KCNQ5: variants seen among roughly 807,000 people sequenced by gnomAD.
The protein encoded by KCNQ5 is potassium voltage-gated channel subfamily KQT member 5.
KCNQ5 carries 30 observed loss-of-function variants against 98.2 expected under a neutral mutation model. The observed-to-expected ratio is 0.31, with a 90% CI of 0.23 to 0.41. The LOEUF (loss-of-function observed/expected upper bound fraction) is 0.41. Among genes scored for constraint, KCNQ5 ranks in the 10% least tolerant of loss-of-function variants. KCNQ5 has a pLI of 1.00. For missense variants in KCNQ5, 835 were observed against 1,182.5 expected (o/e 0.71, Z 4.31); for synonymous variants, 458 against 449.4 (o/e 1.02, Z -0.24).
chr6:72,934,208 A>C (rs990742217), intron 1 of KCNQ5, among the ~76,000 whole-genome samples: 13 of 152,268 alleles, frequency 8.5e-5, no homozygotes, highest in African/African-American at 2.7e-4. Context: ...CTGAACATAC[A>C]TCTAGGGACA....
Position 72,784,322 on chromosome 6 carries a change from GAGAGA to G in KCNQ5, c.398+161751_398+161755del, listed in dbSNP as rs751360715. Among the ~76,000 whole-genome samples the G allele has an allele frequency of 1.8e-4, 27 of 152,248 alleles. 1 individual carries two copies. Among genetic ancestry groups the G allele is most frequent in the African/African-American group, 5.3e-4 (22 of 41,536 alleles). ...AAACTTGATGAGTCAAGACCTGATA[GAGAGA>G]AGAGAAGAGAAGAGAGAGAGCAGAG... On this transcript the variant is annotated intron_variant, in intron 1 of 13. Coordinates refer to ENST00000370398, the MANE Select transcript of KCNQ5 (RefSeq NM_019842.4).
chr6:73,186,861 A>G (rs1288037678), intron 11 of KCNQ5, among the ~76,000 whole-genome samples: 1 of 152,034 alleles, frequency 6.6e-6, no homozygotes, highest in Non-Finnish European at 1.5e-5. Flanking sequence ...TTACATAGGT[A>G]TACATGTGCC....
intron 2 of KCNQ5, among the ~76,000 whole-genome samples, chr6:73,035,173 C>T (rs1189412684): frequency 6.6e-6 from 1 of 152,122 alleles, no homozygotes; most frequent in East Asian, 1.9e-4. Context: ...TCTTAATTTC[C>T]TTATCATTTA....
intron 1 of KCNQ5, among the ~76,000 whole-genome samples, chr6:72,873,088 T>G (rs1239083360): frequency 1.3e-5 from 2 of 152,112 alleles, no homozygotes; most frequent in Non-Finnish European, 2.9e-5. Flanking sequence ...ATCTAAGCCT[T>G]CCTAGGATTA....
At position 73,129,985 on chromosome 6, in the gene KCNQ5, T is replaced by C. The variant is rs1291669789; in HGVS notation, c.1248-3436T>C. ...TTCTAGGGACTTCTTGAATGAGGTT[T>C]TCAACCCGCTTGAAATTTTCCTTGT... On this transcript the variant is annotated intron_variant, in intron 9 of 13. Coordinates refer to ENST00000370398, the MANE Select transcript of KCNQ5 (RefSeq NM_019842.4). 1.1e-5 allele frequency: 7 copies of C among 661,456 alleles called. No individual in the cohort carries two copies. The Admixed American group carries it at 2.0e-4, about 19-fold the overall frequency. The allele number at this position is 661,456 out of a possible 1,614,324, so 41.0% of individuals were successfully genotyped here.
intron 1 of KCNQ5, among the ~76,000 whole-genome samples, chr6:72,742,141 C>G (rs1033832675): frequency 6.6e-6 from 1 of 152,132 alleles, no homozygotes; most frequent in Non-Finnish European, 1.5e-5. Context: ...TCTAGAGTGA[C>G]TTGTGGTCGG....
At chr6:72,918,248 A>G (rs1163884215) in intron 1 of KCNQ5, among the ~76,000 whole-genome samples, 2 of 152,118 alleles carry the variant, frequency 1.3e-5, no homozygotes, top group African/African-American at 4.8e-5. Flanking sequence ...GATCTCTCAA[A>G]GTCCAGCTTG....
intron 1 of KCNQ5, among the ~76,000 whole-genome samples, chr6:72,686,141 G>A (rs1348321207): frequency 6.6e-6 from 1 of 152,122 alleles, no homozygotes; most frequent in Non-Finnish European, 1.5e-5. Context: ...ATCACATTGG[G>A]GATTAGAGCT....
intron 1 of KCNQ5, among the ~76,000 whole-genome samples, chr6:72,778,079 G>A (rs553948902): frequency 3.7e-4 from 57 of 152,252 alleles, no homozygotes; most frequent in Non-Finnish European, 7.1e-4. Flanking sequence ...TTTTCAAGGA[G>A]AGTCTCTAGC....
chr6:72,893,430 ACC>A (rs1779133313), intron 1 of KCNQ5, among the ~76,000 whole-genome samples: 1 of 152,210 alleles, frequency 6.6e-6, no homozygotes, highest in Non-Finnish European at 1.5e-5. Flanking sequence ...GGGAGTAGGA[ACC>A]ACCAGGAGAA....
At chr6:72,673,769 C>G (rs1252818033) in intron 1 of KCNQ5, among the ~76,000 whole-genome samples, 1 of 152,242 alleles carries the variant, frequency 6.6e-6, no homozygotes, top group African/African-American at 2.4e-5. Context: ...TGGTTAATCA[C>G]TATGTTCACA....
At chr6:72,645,204 C>A (rs1439849856) in intron 1 of KCNQ5, among the ~76,000 whole-genome samples, 186 of 117,018 alleles carry the variant, frequency 1.6e-3, no homozygotes, top group African/African-American at 4.4e-3. Flanking sequence ...ACCTTGTCAC[C>A]AAAAAAAAAC....
At chr6:73,118,778 T>C (rs1282407245) in intron 7 of KCNQ5, among the ~76,000 whole-genome samples, 1 of 152,156 alleles carries the variant, frequency 6.6e-6, no homozygotes, top group Non-Finnish European at 1.5e-5. Context: ...TCCCAGCACT[T>C]TGGGAGGCCG....
intron 2 of KCNQ5, among the ~76,000 whole-genome samples, chr6:73,036,363 G>A (rs1310818605): frequency 7.8e-6 from 1 of 127,902 alleles, no homozygotes; most frequent in East Asian, 2.4e-4. Context: ...TCCATTCTGG[G>A]CAACAGCGCG....
intron 1 of KCNQ5, among the ~76,000 whole-genome samples, chr6:72,624,589 T>C (rs963934805): frequency 1.3e-5 from 2 of 152,228 alleles, no homozygotes; most frequent in African/African-American, 4.8e-5. Context: ...AAATGATTTT[T>C]CCAAAGGTTC....
At chr6:73,188,509 T>C (rs1765466408) in intron 11 of KCNQ5, among the ~76,000 whole-genome samples, 1 of 152,212 alleles carries the variant, frequency 6.6e-6, no homozygotes, top group African/African-American at 2.4e-5. Context: ...TTAGCTCTTC[T>C]GGTTTTATTC....
chr6:72,766,130 C>G (rs1158785723), intron 1 of KCNQ5, among the ~76,000 whole-genome samples: 1 of 151,906 alleles, frequency 6.6e-6, no homozygotes, highest in Non-Finnish European at 1.5e-5. Flanking sequence ...CTGCTCATAC[C>G]TAAATGAAGA....
intron 3 of KCNQ5, among the ~76,000 whole-genome samples, chr6:73,075,068 A>G (rs867695660): frequency 1.3e-5 from 2 of 152,196 alleles, no homozygotes; most frequent in African/African-American, 4.8e-5. Flanking sequence ...AACTCTTTTT[A>G]TAAAGTTTTT....
intron 4 of KCNQ5, 63 bp from the exon 5 acceptor site, chr6:73,077,699 A>G: frequency 6.8e-7 from 1 of 1,478,690 alleles, no homozygotes; most frequent in Non-Finnish European, 9.3e-7. Context: ...TCCTCATAGA[A>G]TTCTTTTTTC....
Sources: gnomAD v4.1 joint callset for allele counts (sites outside exome capture counted in the v4.1 genomes callset) on GRCh38, gnomAD v4.1.1 for gene constraint, MANE v1.5 for transcripts, NCBI Gene and HGNC (gene_info 2026-07-23, HGNC 2026-07-21) for gene names.